Variants in GNAT3 observed in about 807,000 individuals in gnomAD.
GNAT3 encodes the protein G protein subunit alpha transducin 3.
In GNAT3, 31 loss-of-function variants were observed where a neutral mutation model predicts 37.7. The ratio of observed to expected loss-of-function variants is 0.82; its 90% CI spans 0.62 to 1.11. The LOEUF is 1.11. Ranked by LOEUF, GNAT3 falls within the 50% of genes most tolerant of loss-of-function variation. The probability of loss-of-function intolerance (pLI) is 0.00; values close to 1 mark genes in which losing one functional copy is unlikely to be tolerated. For missense variants in GNAT3, 437 were observed against 412.5 expected (o/e 1.06, Z -0.51); for synonymous variants, 138 against 139.8 (o/e 0.99, Z 0.09).
At chr7:80,491,697 G>A (rs1325502204) in intron 2 of GNAT3, among the ~76,000 whole-genome samples, 1 of 152,056 alleles carries the variant, frequency 6.6e-6, no homozygotes, top group Non-Finnish European at 1.5e-5. Flanking sequence ...ATGGCTATTC[G>A]AAGATGACAT....
intron 2 of GNAT3, among the ~76,000 whole-genome samples, chr7:80,493,132 T>A (rs991475030): frequency 6.6e-6 from 1 of 152,278 alleles, no homozygotes; most frequent in African/African-American, 2.4e-5. Context: ...TTAAAAGTTT[T>A]ATTTTTTACG....
chr7:80,503,618 G>A (rs55947524), intron 1 of GNAT3, among the ~76,000 whole-genome samples: 1,828 of 152,250 alleles, frequency 0.012, 12 homozygotes, highest in Non-Finnish European at 0.019. Flanking sequence ...ACAATGGAGA[G>A]GGAATAGTCA....
intron 5 of GNAT3, among the ~76,000 whole-genome samples, chr7:80,470,511 A>T (rs1790196487): frequency 6.6e-6 from 1 of 152,190 alleles, no homozygotes; most frequent in Admixed American, 6.5e-5. Context: ...GTGAGCCACC[A>T]CGCCCAGCCA....
rs763387940 is a variant in GNAT3 at position 80,507,975 on chromosome 7, A to C, written c.118+3834T>G. Among the ~76,000 whole-genome samples the C allele has an allele frequency of 3.3e-5, 5 of 151,966 alleles. No individual in the cohort carries two copies. In the East Asian group the frequency reaches 9.6e-4, roughly 29 times the overall value. ...GCCAGATAAGTGGAATAATAGTTTA[A>C]AACAGTAAAACTCAGATTACATCAT... On this transcript the variant is annotated intron_variant, in intron 1 of 7. Transcript: ENST00000398291.
intron 1 of GNAT3, among the ~76,000 whole-genome samples, chr7:80,509,261 G>T: frequency 6.6e-6 from 1 of 152,032 alleles, no homozygotes; most frequent in East Asian, 1.9e-4. Context: ...AGACTGTTAT[G>T]AATTTGATAA....
At chr7:80,459,069 A>C (rs1790004364) in intron 7 of GNAT3, among the ~76,000 whole-genome samples, 1 of 152,214 alleles carries the variant, frequency 6.6e-6, no homozygotes, top group Admixed American at 6.5e-5. Context: ...TTGCATCAAA[A>C]AGCTCAAAAT....
intron 1 of GNAT3, among the ~76,000 whole-genome samples, chr7:80,496,481 C>CCTATTCTACCTTCACTTCTTTCCTAACA (rs1403376824): frequency 6.6e-6 from 1 of 152,136 alleles, no homozygotes; most frequent in African/African-American, 2.4e-5. Context: ...TCTTCATTTC[C>CCTATTCTACCTTCACTTCTTTCCTAACA]CTATTCTACC....
chr7:80,463,069 T>C (rs1260420650), intron 5 of GNAT3, among the ~76,000 whole-genome samples: 1 of 152,190 alleles, frequency 6.6e-6, no homozygotes, highest in Non-Finnish European at 1.5e-5. Context: ...AAACAATTAT[T>C]GTTTGCATTC....
chr7:80,485,619 C>G (rs1790465273), intron 3 of GNAT3, among the ~76,000 whole-genome samples: 1 of 152,114 alleles, frequency 6.6e-6, no homozygotes, highest in Admixed American at 6.5e-5. Context: ...TGAGCCCTCA[C>G]TACATCCCCG....
At chr7:80,485,481 T>G (rs1790462576) in intron 3 of GNAT3, among the ~76,000 whole-genome samples, 1 of 152,140 alleles carries the variant, frequency 6.6e-6, no homozygotes. Flanking sequence ...AGTAATTCCT[T>G]CTTTAAGCAA....
chr7:80,509,585 T>C (rs1462303785), intron 1 of GNAT3, among the ~76,000 whole-genome samples: 2 of 152,130 alleles, frequency 1.3e-5, no homozygotes, highest in Non-Finnish European at 2.9e-5. Flanking sequence ...CACTTAAGTC[T>C]AAAAATAATT....
chr7:80,498,056 C>T (rs1205215636), intron 1 of GNAT3, among the ~76,000 whole-genome samples: 1 of 151,736 alleles, frequency 6.6e-6, no homozygotes, highest in Non-Finnish European at 1.5e-5. Context: ...AAATCACAAC[C>T]GAATTTTATT....
chr7:80,491,917 A>C lies in GNAT3; in HGVS notation c.161+2688T>G, dbSNP rs538295162. Among the ~76,000 whole-genome samples the C allele has an allele frequency of 3.3e-5, 5 of 152,330 alleles. 1 individual carries two copies. In the South Asian group the frequency reaches 1.0e-3, roughly 32 times the overall value. On this transcript the variant is annotated intron_variant, in intron 2 of 7. Transcript: ENST00000398291. ...TTGTAGAAAATGTGAAAAGCCTAAC[A>C]ATATTAAAAAGCAAAGGTGCTTTGA...
intron 4 of GNAT3, among the ~76,000 whole-genome samples, chr7:80,478,514 G>A (rs952648812): frequency 2.6e-5 from 4 of 152,130 alleles, no homozygotes; most frequent in African/African-American, 9.7e-5. Context: ...CAAAACCTCA[G>A]TGTGCATGTC....
intron 1 of GNAT3, among the ~76,000 whole-genome samples, chr7:80,497,621 CGTATATACATATACGTATATACATAT>C (rs1790752387): frequency 8.7e-6 from 1 of 114,686 alleles, no homozygotes; most frequent in Non-Finnish European, 1.7e-5. Flanking sequence ...TATACATATA[CGTATATACATATACGTATATACATAT>C]ACGTATATAC....
chr7:80,504,878 G>A (rs1253624664), intron 1 of GNAT3, among the ~76,000 whole-genome samples: 2 of 152,194 alleles, frequency 1.3e-5, no homozygotes, highest in Non-Finnish European at 2.9e-5. Flanking sequence ...AGTGATGTTG[G>A]AAATGTGCGA....
chr7:80,499,199 T>G (rs1212612386), intron 1 of GNAT3, among the ~76,000 whole-genome samples: 3 of 152,112 alleles, frequency 2.0e-5, no homozygotes, highest in Non-Finnish European at 4.4e-5. Context: ...CCAATAGAGA[T>G]TATGATAATC....
intron 3 of GNAT3, among the ~76,000 whole-genome samples, chr7:80,484,066 G>C (rs1005815064): frequency 6.6e-6 from 1 of 152,018 alleles, no homozygotes; most frequent in Non-Finnish European, 1.5e-5. Context: ...GTGGTTTCCT[G>C]CACCTATCAA....
At chr7:80,495,531 G>A (rs796912977) in intron 1 of GNAT3, among the ~76,000 whole-genome samples, 4 of 151,616 alleles carry the variant, frequency 2.6e-5, no homozygotes, top group South Asian at 2.1e-4. Flanking sequence ...GTGCAGTGGC[G>A]TGATCTCAGC....
Sources: allele counts gnomAD v4.1 joint callset (sites outside exome capture counted in the v4.1 genomes callset), GRCh38; gene constraint gnomAD v4.1.1; transcripts MANE v1.5; gene names NCBI Gene and HGNC (gene_info 2026-07-23, HGNC 2026-07-21).